The following GNPAT variants were observed in gnomAD, a reference collection of about 807,000 sequenced individuals.
GNPAT encodes dihydroxyacetone phosphate acyltransferase.
GNPAT carries 30 observed loss-of-function variants against 78.4 expected under a neutral mutation model. The ratio of observed to expected loss-of-function variants is 0.38; its 90% CI spans 0.29 to 0.52. The LOEUF (loss-of-function observed/expected upper bound fraction) is 0.52, where lower values mean the gene tolerates loss of function less well. GNPAT is among the 20% of genes least tolerant of loss of function. GNPAT has a pLI of 0.84. For missense variants in GNPAT, 714 were observed against 812.2 expected (o/e 0.88, Z 1.47); for synonymous variants, 271 against 281.1 (o/e 0.96, Z 0.36).
intron 1 of GNPAT, among the ~76,000 whole-genome samples, chr1:231,249,221 A>G (rs991677216): frequency 1.3e-5 from 2 of 152,346 alleles, no homozygotes; most frequent in South Asian, 2.1e-4. Context: ...CCTTATAAGC[A>G]AGAGTATTTA....
chr1:231,266,259 C>G lies in GNPAT; in HGVS notation c.925-18C>G, dbSNP rs774251102. Reference sequence around the variant, plus strand: ...TACTGCTTTTCGTTTTCTTCCCCCCCTGTTATGGTACTATTAGGGGTTGCT... The same window carrying G: ...TACTGCTTTTCGTTTTCTTCCCCCCGTGTTATGGTACTATTAGGGGTTGCT... On this transcript the variant is annotated intron_variant, in intron 7 of 15. Coordinates refer to ENST00000366647, the MANE Select transcript of GNPAT (RefSeq NM_014236.4). The G allele has an allele frequency of 8.1e-6, 13 of 1,613,914 alleles. No homozygotes were observed. Among genetic ancestry groups the G allele is most frequent in the East Asian group, 2.2e-5 (1 of 44,884 alleles).
Position 231,241,271 on chromosome 1 carries a change from C to T in GNPAT, c.-108C>T, listed in dbSNP as rs1684590081. 7.1e-7 allele frequency: 1 copy of T among 1,412,846 alleles called. No individual in the cohort carries two copies. Among genetic ancestry groups the T allele is most frequent in the Non-Finnish European group, 1.0e-6 (1 of 997,400 alleles). 87.5% of individuals were successfully genotyped at this position (1,412,846 alleles called of 1,614,324 possible). A position where few individuals can be genotyped will look rare whatever the true frequency, so the allele number is the denominator to read the frequency against. On this transcript the variant is annotated 5_prime_UTR_variant, in exon 1 of 16. Transcript: ENST00000366647. The stretch of plus-strand genomic sequence containing the variant: ...GTGTAGCGGCTGCAGAGGGTGCCGC[C>T]GCCCTAGGCGAAGTAGGGCCGTCCT...
rs1211299517 is a variant in GNPAT, at chr1:231,266,272, A to G, written c.925-5A>G. Reference sequence around the variant, plus strand: ...TTTCTTCCCCCCCTGTTATGGTACTATTAGGGGTTGCTGAAAGCCAGAAAG... The same window carrying G: ...TTTCTTCCCCCCCTGTTATGGTACTGTTAGGGGTTGCTGAAAGCCAGAAAG... On this transcript the variant is annotated splice_region_variant and splice_polypyrimidine_tract_variant and intron_variant, in intron 7 of 15. Transcript: ENST00000366647. 2.5e-6 allele frequency: 4 copies of G among 1,613,964 alleles called. No homozygotes were observed. Among genetic ancestry groups the G allele is most frequent in the Admixed American group, 3.3e-5 (2 of 60,000 alleles).
rs569691515 is a variant in GNPAT, at chr1:231,251,035, A to G, written c.153A>G (p.Ala51=). 1.9e-6 allele frequency: 3 copies of G among 1,603,586 alleles called. No homozygotes were observed. The South Asian group carries it at 3.3e-5, about 18-fold the overall frequency. Residue 51 remains alanine, a synonymous_variant, in exon 2 of 16, where the codon GCA becomes GCG. Transcript: ENST00000366647. ...ERRHVSDLKF[A]MKCYTPLVYK... is the part of the protein sequence containing the mutation. Reference sequence around the variant, plus strand: ...GGCATGTCAGTGACTTGAAATTTGCAATGAAATGCTACACACCTCTTGTCT... The same window carrying G: ...GGCATGTCAGTGACTTGAAATTTGCGATGAAATGCTACACACCTCTTGTCT...
At chr1:231,276,316 A>G in intron 15 of GNPAT, 120 bp downstream of exon 15, 1 of 665,364 alleles carries the variant, frequency 1.5e-6, no homozygotes, top group South Asian at 1.7e-5. Context: ...GTTCTAACAT[A>G]AAAGGGAATT....
At chr1:231,271,850 C>G (rs901372367) in intron 10 of GNPAT, among the ~76,000 whole-genome samples, 7 of 152,138 alleles carry the variant, frequency 4.6e-5, no homozygotes, top group Non-Finnish European at 1.0e-4. Flanking sequence ...CGCCTGTAAT[C>G]CCAGCACTTT....
intron 1 of GNPAT, among the ~76,000 whole-genome samples, chr1:231,247,216 AT>A (rs902175683): frequency 4.0e-5 from 6 of 151,768 alleles, no homozygotes; most frequent in African/African-American, 1.5e-4. Context: ...GAATGGGGAG[AT>A]TTGAGCCTTA....
chr1:231,255,302 A>G (rs1234225563), intron 2 of GNPAT, among the ~76,000 whole-genome samples: 1 of 152,130 alleles, frequency 6.6e-6, no homozygotes, highest in East Asian at 1.9e-4. Flanking sequence ...TTCTCCCATC[A>G]GCATTTAGCA....
chr1:231,248,073 C>T (rs1684795579), intron 1 of GNPAT, among the ~76,000 whole-genome samples: 1 of 152,138 alleles, frequency 6.6e-6, no homozygotes, highest in African/African-American at 2.4e-5. Flanking sequence ...TACAGTTGAC[C>T]TTTGAACAAC....
intron 2 of GNPAT, among the ~76,000 whole-genome samples, chr1:231,254,028 G>T (rs1041735006): frequency 1.3e-5 from 2 of 152,156 alleles, no homozygotes; most frequent in Non-Finnish European, 2.9e-5. Flanking sequence ...GGCCAGGCTG[G>T]TCTCAAACTC....
chr1:231,273,169 T>G (rs571331801), intron 11 of GNPAT, among the ~76,000 whole-genome samples: 1 of 151,712 alleles, frequency 6.6e-6, no homozygotes, highest in East Asian at 1.9e-4. Context: ...TGACAGTAGA[T>G]GAGAGGCATG....
At chr1:231,266,569 A>G (rs977224847) in intron 8 of GNPAT, among the ~76,000 whole-genome samples, 162 bp downstream of exon 8, 2 of 152,226 alleles carry the variant, frequency 1.3e-5, no homozygotes, top group African/African-American at 4.8e-5. Flanking sequence ...GAAACCTTCA[A>G]TTAAAGAAGA....
intron 15 of GNPAT, among the ~76,000 whole-genome samples, 164 bp from the exon 16 acceptor site, chr1:231,277,335 G>T (rs141237024): frequency 2.6e-5 from 4 of 152,196 alleles, no homozygotes; most frequent in African/African-American, 9.7e-5. Context: ...AGCATCTACC[G>T]CTTCCCTTGT....
chr1:231,249,674 G>A (rs964674601), intron 1 of GNPAT, among the ~76,000 whole-genome samples: 2 of 152,162 alleles, frequency 1.3e-5, no homozygotes, highest in Admixed American at 6.5e-5. Context: ...GATTCCATTC[G>A]GGACTCTGGG....
At chr1:231,275,928 C>G (rs975534188) in intron 14 of GNPAT, among the ~76,000 whole-genome samples, 2 of 152,160 alleles carry the variant, frequency 1.3e-5, no homozygotes, top group African/African-American at 4.8e-5. Context: ...ATAGTAAACT[C>G]TGGCAGTCAT....
chr1:231,272,546 G>T (rs1685598153), intron 11 of GNPAT, among the ~76,000 whole-genome samples, 155 bp downstream of exon 11: 1 of 152,224 alleles, frequency 6.6e-6, no homozygotes, highest in South Asian at 2.1e-4. Flanking sequence ...TCACAGTTCA[G>T]CAGACTCTAG....
intron 12 of GNPAT, among the ~76,000 whole-genome samples, chr1:231,274,276 G>C (rs1685649430): frequency 6.6e-6 from 1 of 152,176 alleles, no homozygotes; most frequent in Non-Finnish European, 1.5e-5. Context: ...ACAGACCCAA[G>C]AGGACAACAG....
At chr1:231,274,688 C>T (rs947088720) in intron 12 of GNPAT, among the ~76,000 whole-genome samples, 2 of 152,122 alleles carry the variant, frequency 1.3e-5, no homozygotes, top group African/African-American at 4.8e-5. Context: ...TCATATAATA[C>T]ATGCACTGGC....
At chr1:231,252,850 C>G (rs1197505645) in intron 2 of GNPAT, among the ~76,000 whole-genome samples, 1 of 152,162 alleles carries the variant, frequency 6.6e-6, no homozygotes, top group Non-Finnish European at 1.5e-5. Flanking sequence ...ACATTTGACG[C>G]TGCCTCTTTA....
Sources: gnomAD v4.1 joint callset for allele counts (sites outside exome capture counted in the v4.1 genomes callset) on GRCh38, gnomAD v4.1.1 for gene constraint, MANE v1.5 for transcripts, NCBI Gene and HGNC (gene_info 2026-07-23, HGNC 2026-07-21) for gene names.